SNX7: variants seen among roughly 807,000 people sequenced by gnomAD.
The protein encoded by SNX7 is sorting nexin-7.
SNX7 carries 35 observed loss-of-function variants against 48.4 expected under a neutral mutation model. The observed-to-expected ratio is 0.72, with a 90% CI of 0.55 to 0.96. The LOEUF (loss-of-function observed/expected upper bound fraction) is 0.96. Ranked by LOEUF, SNX7 falls within the 40% of genes least tolerant of loss-of-function variation. SNX7 has a pLI of 0.00. For synonymous variants in SNX7, 190 were observed against 190.2 expected (o/e 1.00, Z 0.01); for missense variants, 553 against 548.9 (o/e 1.01, Z -0.07).
chr1:98,710,393 A>G lies in SNX7; in HGVS notation c.1125+8490A>G, dbSNP rs143719020. ...GAGAGGCAGCGTAACAATGTTGCAG[A>G]TAATTTCTAACGAAAGACTAAGCTC... is the stretch of plus-strand genomic sequence containing the variant. On this transcript the variant is annotated intron_variant, in intron 7 of 8. Coordinates refer to ENST00000306121, the MANE Select transcript of SNX7 (RefSeq NM_015976.5). 7.0e-3 allele frequency among the ~76,000 whole-genome samples: 1,071 copies of G among 152,298 alleles called. 6 individuals carry two copies. Among genetic ancestry groups the G allele is most frequent in the Middle Eastern group, 0.027 (8 of 294 alleles).
At chr1:98,678,225 AAGAG>A (rs1289747622) in intron 1 of SNX7, among the ~76,000 whole-genome samples, 14 of 152,182 alleles carry the variant, frequency 9.2e-5, no homozygotes, top group Non-Finnish European at 2.9e-5. Context: ...GAGAGGGAGC[AAGAG>A]AAAGAGGACG....
At position 98,681,339 on chromosome 1, in the gene SNX7, A is replaced by G. The variant is rs201834402; in HGVS notation, c.181-3546A>G. ...AAGATAAGATTTGGGTGGGGACACA[A>G]CCAAACCTTGTCACAGGTCAAGGCA... is the stretch of plus-strand genomic sequence containing the variant. On this transcript the variant is annotated intron_variant, in intron 1 of 8. Transcript: ENST00000306121. Among the ~76,000 whole-genome samples, 22 of 152,288 alleles carry G rather than the reference A, an allele frequency of 1.4e-4. No individual in the cohort carries two copies. The East Asian group carries it at 3.7e-3, about 25-fold the overall frequency.
chr1:98,661,838 G>A lies in SNX7; in HGVS notation c.107G>A (p.Gly36Asp). The A allele has an allele frequency of 8.0e-7, 1 of 1,246,538 alleles. No homozygotes were observed. Among genetic ancestry groups the A allele is most frequent in the Non-Finnish European group, 1.0e-6 (1 of 987,366 alleles). The allele number at this position is 1,246,538 out of a possible 1,614,324, so 77.2% of individuals were successfully genotyped here. Reference protein sequence around the residue: ...GGGAPFPGSSGSSALLQAEVL... With the variant: ...GGGAPFPGSSDSSALLQAEVL... Reference sequence around the variant, plus strand: ...GGCGCCCCCTTTCCGGGCAGCAGTGGCTCTTCCGCCCTGCTGCAGGCGGAG... The same window carrying A: ...GGCGCCCCCTTTCCGGGCAGCAGTGACTCTTCCGCCCTGCTGCAGGCGGAG... Residue 36 changes from glycine to aspartate, a missense_variant, in exon 1 of 9, where the codon GGC becomes GAC. Coordinates refer to ENST00000306121, the MANE Select transcript of SNX7 (RefSeq NM_015976.5).
In SNX7 at chr1:98,726,765, G is replaced by T. The variant is rs145665314; in HGVS notation, c.1126-11472G>T. ...TGAGAAACTCTAAGGCAACTGTTAA[G>T]GTAGAATGCCAGGGAATGCCCAGTG... is the stretch of plus-strand genomic sequence containing the variant. On this transcript the variant is annotated intron_variant, in intron 7 of 8. Coordinates refer to ENST00000306121, the MANE Select transcript of SNX7 (RefSeq NM_015976.5). 3.7e-3 allele frequency among the ~76,000 whole-genome samples: 565 copies of T among 152,242 alleles called. 5 individuals are homozygous for T. Among genetic ancestry groups the T allele is most frequent in the African/African-American group, 0.013 (521 of 41,528 alleles).
intron 2 of SNX7, among the ~76,000 whole-genome samples, chr1:98,688,573 C>CA (rs1167190302): frequency 6.6e-6 from 1 of 152,014 alleles, no homozygotes; most frequent in Non-Finnish European, 1.5e-5. Flanking sequence ...CATTTTCCCT[C>CA]AAAAAAAGTT....
chr1:98,695,189 G>A (rs1001353956), intron 4 of SNX7, among the ~76,000 whole-genome samples: 1 of 152,014 alleles, frequency 6.6e-6, no homozygotes, highest in African/African-American at 2.4e-5. Context: ...AAATATAGAT[G>A]GTATGTCATA....
intron 5 of SNX7, among the ~76,000 whole-genome samples, chr1:98,696,881 A>AT (rs2100967048): frequency 6.6e-6 from 1 of 152,214 alleles, no homozygotes; most frequent in South Asian, 2.1e-4. Context: ...TAAACTATCA[A>AT]TGAGTATCAA....
intron 7 of SNX7, among the ~76,000 whole-genome samples, chr1:98,737,856 C>A (rs1041612890): frequency 6.6e-6 from 1 of 152,106 alleles, no homozygotes; most frequent in African/African-American, 2.4e-5. Flanking sequence ...TGAAAGACAC[C>A]ATATCTTTTA....
chr1:98,739,546 A>G (rs868065806), intron 8 of SNX7, among the ~76,000 whole-genome samples: 26 of 152,330 alleles, frequency 1.7e-4, no homozygotes, highest in African/African-American at 6.0e-4. Flanking sequence ...GTTACAGCCA[A>G]TGAAGGAAAC....
intron 6 of SNX7, among the ~76,000 whole-genome samples, chr1:98,699,155 C>T (rs549156285): frequency 6.6e-6 from 1 of 152,242 alleles, no homozygotes; most frequent in Admixed American, 6.5e-5. Context: ...TTGAAGCATC[C>T]TCAATCAAAA....
At chr1:98,663,348 G>A (rs964796620) in intron 1 of SNX7, among the ~76,000 whole-genome samples, 1 of 135,118 alleles carries the variant, frequency 7.4e-6, no homozygotes, top group Non-Finnish European at 1.5e-5. Flanking sequence ...GCACCCAAAG[G>A]GTTTGGGATT....
At chr1:98,674,585 A>T (rs1442292808) in intron 1 of SNX7, among the ~76,000 whole-genome samples, 1 of 152,102 alleles carries the variant, frequency 6.6e-6, no homozygotes, top group Non-Finnish European at 1.5e-5. Flanking sequence ...ATAAGGTCAC[A>T]CTCCACGGTA....
chr1:98,702,058 G>C (rs567330334), intron 7 of SNX7, among the ~76,000 whole-genome samples, 155 bp downstream of exon 7: 1 of 152,106 alleles, frequency 6.6e-6, no homozygotes, highest in South Asian at 2.1e-4. Flanking sequence ...CCTAAAATCT[G>C]TTATACATTG....
chr1:98,695,062 A>C (rs531734319), intron 4 of SNX7, among the ~76,000 whole-genome samples: 6 of 152,204 alleles, frequency 3.9e-5, no homozygotes, highest in Non-Finnish European at 8.8e-5. Context: ...CTCTAAATAA[A>C]TGTTAGCTAC....
intron 1 of SNX7, among the ~76,000 whole-genome samples, chr1:98,674,464 C>G (rs576562818): frequency 3.1e-4 from 47 of 152,278 alleles, no homozygotes; most frequent in African/African-American, 1.1e-3. Flanking sequence ...ATCCATGTTT[C>G]TGTGTCCACA....
intron 7 of SNX7, among the ~76,000 whole-genome samples, chr1:98,735,080 A>G (rs1435858935): frequency 1.3e-5 from 2 of 152,138 alleles, no homozygotes; most frequent in Admixed American, 6.6e-5. Context: ...TTAGCCTGCC[A>G]GTGGGCTATT....
chr1:98,757,342 A>G (rs1247595324), intron 8 of SNX7, among the ~76,000 whole-genome samples: 1 of 152,064 alleles, frequency 6.6e-6, no homozygotes, highest in Non-Finnish European at 1.5e-5. Context: ...GAAGTCTAAG[A>G]TCAAGGTGTC....
intron 7 of SNX7, among the ~76,000 whole-genome samples, chr1:98,702,839 A>C (rs1349791957): frequency 6.6e-6 from 1 of 152,070 alleles, no homozygotes; most frequent in East Asian, 1.9e-4. Context: ...ATTTTTCTTT[A>C]AATTTAAGGA....
At chr1:98,690,703 G>T (rs1651071209) in intron 2 of SNX7, among the ~76,000 whole-genome samples, 1 of 152,010 alleles carries the variant, frequency 6.6e-6, no homozygotes, top group Non-Finnish European at 1.5e-5. Flanking sequence ...ATCATCTTGA[G>T]AAAAGAAATA....
Sources: allele counts gnomAD v4.1 joint callset (sites outside exome capture counted in the v4.1 genomes callset), GRCh38; gene constraint gnomAD v4.1.1; transcripts MANE v1.5; gene names NCBI Gene and HGNC (gene_info 2026-07-23, HGNC 2026-07-21).